The following ZNF117 variants were observed in gnomAD, a reference collection of about 807,000 sequenced individuals.
The protein encoded by ZNF117 is Krueppel-related zinc finger protein.
ZNF117 carries 37 observed loss-of-function variants against 41.2 expected under a neutral mutation model. The observed-to-expected ratio is 0.90, with a 90% CI of 0.69 to 1.18. The LOEUF (loss-of-function observed/expected upper bound fraction) is 1.18. ZNF117 is among the 50% of genes most tolerant of loss of function. ZNF117 has a pLI of 0.00. For synonymous variants in ZNF117, 186 were observed against 186.6 expected (o/e 1.00, Z 0.02); for missense variants, 546 against 557.5 (o/e 0.98, Z 0.21).
exon 3 of ZNF117, chr7:64,975,753 T>C (rs1464348881): frequency 1.3e-5 from 2 of 152,142 alleles, no homozygotes; most frequent in East Asian, 3.8e-4. Flanking sequence ...CCAACTTTAA[T>C]TTTGGATTAT....
chr7:64,986,304 T>A (rs1786134075), upstream of ZNF117, among the ~76,000 whole-genome samples: 2 of 152,134 alleles, frequency 1.3e-5, no homozygotes, highest in South Asian at 4.1e-4. Context: ...GGCTCCAAAT[T>A]TAAAGGAGAA....
intron 2 of ZNF117, chr7:64,980,933 T>C (rs190008611): frequency 6.0e-4 from 103 of 171,006 alleles, no homozygotes; most frequent in Non-Finnish European, 2.3e-4. Context: ...AAAGCTATAG[T>C]AGTAAAAACA....
chr7:64,981,507 T>C, intron 1 of ZNF117, 25 bp from the exon 3 acceptor site: 2 of 1,531,378 alleles, frequency 1.3e-6, no homozygotes, highest in South Asian at 1.1e-5. Context: ...ATAAATAACA[T>C]AAATCTTGCA....
At chr7:64,974,321 T>C (rs1476208614), downstream of ZNF117, 1 of 151,724 alleles carries the variant, frequency 6.6e-6, no homozygotes, top group East Asian at 1.9e-4. Context: ...ACAAGAAAAT[T>C]ATAGGTCTAG....
chr7:64,989,443 TTATA>T (rs58009024), intron 1 of ZNF117, among the ~76,000 whole-genome samples: 569 of 48,758 alleles, frequency 0.012, 3 homozygotes, highest in Middle Eastern at 0.018. Context: ...GAACTTAAAA[TTATA>T]TATATATATA....
chr7:64,982,441 TTGTG>T (rs1786050521), upstream of ZNF117, among the ~76,000 whole-genome samples: 1 of 152,132 alleles, frequency 6.6e-6, no homozygotes, highest in Admixed American at 6.6e-5. Flanking sequence ...ACAGAATGAG[TTGTG>T]TGTATTTTTG....
upstream of ZNF117, among the ~76,000 whole-genome samples, chr7:64,985,313 C>T (rs568753430): frequency 1.1e-4 from 17 of 152,344 alleles, no homozygotes; most frequent in East Asian, 5.8e-4. Flanking sequence ...AAAAGTACTT[C>T]GGCCTGCAAA....
upstream of ZNF117, among the ~76,000 whole-genome samples, chr7:64,985,684 G>A (rs1441482659): frequency 1.3e-5 from 2 of 151,966 alleles, no homozygotes; most frequent in African/African-American, 2.4e-5. Flanking sequence ...CTCCTGGCAG[G>A]GTGCAGTGGC....
upstream of ZNF117, among the ~76,000 whole-genome samples, chr7:64,985,287 AC>A (rs1786112059): frequency 6.6e-6 from 1 of 152,200 alleles, no homozygotes; most frequent in South Asian, 2.1e-4. Context: ...CATACACTGA[AC>A]CATGCTTTTG....
At chr7:64,971,827 A>T (rs1446932254), downstream of ZNF117, 1 of 152,158 alleles carries the variant, frequency 6.6e-6, no homozygotes, top group African/African-American at 2.4e-5. Flanking sequence ...AAATCAAAAG[A>T]AAAATAGATA....
At chr7:64,971,883 C>T (rs1004709978), downstream of ZNF117, 3 of 151,800 alleles carry the variant, frequency 2.0e-5, no homozygotes, top group Non-Finnish European at 4.4e-5. Context: ...GAATCTGATA[C>T]AATCAACAAA....
At chr7:64,979,480 A>C (rs762015409) in exon 3 of ZNF117, 1 of 1,590,326 alleles carries the variant, frequency 6.3e-7, no homozygotes, top group Non-Finnish European at 8.5e-7. Context: ...ACTTTCTGGA[A>C]AGAATCTCTT....
exon 3 of ZNF117, chr7:64,978,431 C>A: frequency 3.1e-6 from 5 of 1,613,546 alleles, no homozygotes; most frequent in Non-Finnish European, 4.2e-6. Context: ...TATGGATTAT[C>A]TTATGTGTAT....
At chr7:64,991,021 G>C (rs915875419) in exon 1 of ZNF117, 6 of 488,644 alleles carry the variant, frequency 1.2e-5, no homozygotes, top group Non-Finnish European at 2.2e-5. Context: ...TTAATACTTA[G>C]TTAGGGCCAT....
At chr7:64,985,620 A>C (rs1786117506), upstream of ZNF117, among the ~76,000 whole-genome samples, 1 of 152,214 alleles carries the variant, frequency 6.6e-6, no homozygotes, top group South Asian at 2.1e-4. Flanking sequence ...ACAACAGAGA[A>C]AAAATATACA....
At chr7:64,979,492 T>C (rs766748374) in exon 3 of ZNF117, 1 of 1,568,026 alleles carries the variant, frequency 6.4e-7, no homozygotes, top group Non-Finnish European at 8.6e-7. Context: ...GAATCTCTTA[T>C]GTTCTGCTCT....
chr7:64,972,775 A>G (rs1284599484), downstream of ZNF117: 1 of 152,088 alleles, frequency 6.6e-6, no homozygotes, highest in Non-Finnish European at 1.5e-5. Flanking sequence ...GTTTTTGAAA[A>G]ACATTGACAA....
Position 64,978,403 on chromosome 7 carries a change from T to A in ZNF117, c.1168A>T (p.Lys390Ter). Residue 390 changes from lysine (K) to a stop codon, truncating the protein, a stop_gained, in exon 3 of 3, where the codon AAA becomes TAA. Coordinates refer to ENST00000620222, the Ensembl canonical transcript of ZNF117. LOFTEE classifies it high-confidence loss of function. ...AAAACTTTGCCAGATTCTCTACATT[T>A]GTGGGGATTCTCTCCAGTATGGATT... 1.9e-6 allele frequency: 3 copies of A among 1,613,794 alleles called. 1 individual carries two copies. The highest frequency in any genetic ancestry group is 2.5e-6 in the Non-Finnish European group (3 of 1,179,794).
upstream of ZNF117, among the ~76,000 whole-genome samples, chr7:64,984,549 G>A (rs1017386780): frequency 6.6e-6 from 1 of 152,124 alleles, no homozygotes; most frequent in African/African-American, 2.4e-5. Flanking sequence ...TTCCAATTTA[G>A]TGAAATGATA....
Sources: gnomAD v4.1 joint callset for allele counts (sites outside exome capture counted in the v4.1 genomes callset) on GRCh38, gnomAD v4.1.1 for gene constraint, MANE v1.5 for transcripts, NCBI Gene and HGNC (gene_info 2026-07-23, HGNC 2026-07-21) for gene names.